The following MAP2 variants were observed in gnomAD, a reference collection of about 807,000 sequenced individuals.
MAP2 encodes the protein microtubule associated protein 2.
In MAP2, 14 loss-of-function variants were observed where a neutral mutation model predicts 137.6. The observed-to-expected ratio is 0.10, with a 90% CI of 0.07 to 0.16. The LOEUF is 0.16. MAP2 is among the 10% of genes least tolerant of loss of function. MAP2 has a pLI of 1.00. For synonymous variants in MAP2, 786 were observed against 782.3 expected, an observed-to-expected ratio of 1.00 and a Z score of -0.08; for missense variants, 2,088 against 2,191.5, an observed-to-expected ratio of 0.95 and a Z score of 0.94.
At chr2:209,586,501 T>A (rs1049439128) in intron 3 of MAP2, among the ~76,000 whole-genome samples, 10 of 152,176 alleles carry the variant, frequency 6.6e-5, no homozygotes, top group Non-Finnish European at 1.5e-4. Flanking sequence ...ATTGAATACC[T>A]AATTCCATTC....
At position 209,542,165 on chromosome 2, in the gene MAP2, A is replaced by T. The variant is rs573947863; in HGVS notation, c.-172+34524A>T. On this transcript the variant is annotated intron_variant, in intron 2 of 15. Coordinates refer to ENST00000682079, the MANE Select transcript of MAP2 (RefSeq NM_001375505.1). ...AAAGCCAACATCAATCTCCTTGTAC[A>T]TCTCCATTAGAGCTTTTGGGTGACC... is the stretch of plus-strand genomic sequence containing the variant. Among the ~76,000 whole-genome samples the T allele has an allele frequency of 2.0e-5, 3 of 152,354 alleles. No individual in the cohort carries two copies. In the South Asian group the frequency reaches 6.2e-4, roughly 32 times the overall value.
intron 7 of MAP2, among the ~76,000 whole-genome samples, chr2:209,687,819 A>G (rs947844847): frequency 6.6e-6 from 1 of 152,084 alleles, no homozygotes; most frequent in Non-Finnish European, 1.5e-5. Flanking sequence ...CCTCCATCTC[A>G]GTGTCTGTGC....
intron 5 of MAP2, among the ~76,000 whole-genome samples, chr2:209,658,536 C>T (rs112915985): frequency 0.021 from 3,234 of 151,594 alleles, 107 homozygotes; most frequent in African/African-American, 0.072. Context: ...GATGAAGTCT[C>T]GCTCTTGTCT....
intron 2 of MAP2, among the ~76,000 whole-genome samples, chr2:209,514,553 A>G (rs2150311637): frequency 6.6e-6 from 1 of 152,274 alleles, no homozygotes; most frequent in South Asian, 2.1e-4. Flanking sequence ...CCAAAGAATA[A>G]CACAGCTGAT....
intron 1 of MAP2, 116 bp from the exon 2 acceptor site, chr2:209,507,476 C>T (rs1052046782): frequency 6.6e-6 from 1 of 152,002 alleles, no homozygotes; most frequent in Non-Finnish European, 1.5e-5. Context: ...TCAGTCAGTG[C>T]ATTTTATGGA....
At chr2:209,638,409 C>G (rs2093736585) in intron 4 of MAP2, among the ~76,000 whole-genome samples, 1 of 152,062 alleles carries the variant, frequency 6.6e-6, no homozygotes, top group African/African-American at 2.4e-5. Context: ...CTTAGAATTC[C>G]TCTGAATCAC....
chr2:209,470,570 G>A (rs1705415986), intron 1 of MAP2, among the ~76,000 whole-genome samples: 1 of 151,784 alleles, frequency 6.6e-6, no homozygotes, highest in South Asian at 2.1e-4. Context: ...ACTGCAGTGG[G>A]TAAGGGTAAA....
intron 5 of MAP2, among the ~76,000 whole-genome samples, chr2:209,676,832 A>T (rs1308742342): frequency 1.4e-5 from 2 of 144,020 alleles, no homozygotes; most frequent in Non-Finnish European, 3.0e-5. Flanking sequence ...TCCATAAATC[A>T]CTGGGGTGCT....
chr2:209,671,453 C>T (rs1356470556), intron 5 of MAP2, among the ~76,000 whole-genome samples: 1 of 151,838 alleles, frequency 6.6e-6, no homozygotes, highest in Non-Finnish European at 1.5e-5. Flanking sequence ...CTTCAAACTA[C>T]ACAGTGCTTT....
intron 5 of MAP2, among the ~76,000 whole-genome samples, chr2:209,666,501 A>G (rs1376649050): frequency 6.6e-6 from 1 of 152,096 alleles, no homozygotes; most frequent in Admixed American, 6.6e-5. Context: ...AGTTGGAATA[A>G]CAGTAGTTCC....
intron 2 of MAP2, among the ~76,000 whole-genome samples, chr2:209,531,719 C>T (rs2150573096): frequency 6.6e-6 from 1 of 152,216 alleles, no homozygotes; most frequent in Non-Finnish European, 1.5e-5. Context: ...CTGATATAAG[C>T]TACTTTTACA....
At chr2:209,477,773 G>A (rs1707668137) in intron 1 of MAP2, among the ~76,000 whole-genome samples, 1 of 151,606 alleles carries the variant, frequency 6.6e-6, no homozygotes, top group South Asian at 2.1e-4. Context: ...AAAATGGGAG[G>A]ATCACTTGAG....
intron 3 of MAP2, among the ~76,000 whole-genome samples, chr2:209,582,657 TGATAGATAGATAGATAGATAGATAGATA>T (rs66881504): frequency 6.7e-6 from 1 of 149,632 alleles, no homozygotes; most frequent in South Asian, 2.1e-4. Context: ...GATAGATAGA[TGATAGATAGATAGATAGATAGATAGATA>T]GATAGATAGA....
In MAP2 at chr2:209,692,656, C is replaced by T. The variant is rs6720659; in HGVS notation, c.486C>T (p.His162=). 0.084 allele frequency: 132,655 copies of T among 1,587,814 alleles called. 7,974 individuals carry two copies. The highest frequency in any genetic ancestry group is 0.26 in the African/African-American group (19,144 of 73,180). The change falls in exon 8 of 16, where the codon CAC becomes CAT. Residue 162 remains histidine (H), a synonymous_variant. Coordinates refer to ENST00000682079, the MANE Select transcript of MAP2 (RefSeq NM_001375505.1). The stretch of plus-strand genomic sequence containing the variant: ...TTACAGCCTCGAAGATGGAGTTCCA[C>T]GATCAACAGGAATTGACTCCCTCTA... ...DLLTASKMEF[H]DQQELTPSTA...
chr2:209,694,053 C>G lies in MAP2; in HGVS notation c.1883C>G (p.Pro628Arg), dbSNP rs1439432353. Residue 628 changes from proline (P) to arginine (R), a missense_variant, in exon 8 of 16, where the codon CCC (proline) becomes CGC (arginine). Coordinates refer to ENST00000682079, the MANE Select transcript of MAP2 (RefSeq NM_001375505.1). ...KEFQTGKESQ[P>R]SPPAQEAGYS... Reference sequence around the variant, plus strand: ...TTTCAAACAGGAAAAGAATCCCAGCCCAGTCCTCCAGCACAAGAAGCAGGG... The same window carrying G: ...TTTCAAACAGGAAAAGAATCCCAGCGCAGTCCTCCAGCACAAGAAGCAGGG... 6.2e-7 allele frequency: 1 copy of G among 1,613,336 alleles called. No individual in the cohort carries two copies.
At chr2:209,666,145 A>G (rs1223188874) in intron 5 of MAP2, among the ~76,000 whole-genome samples, 1 of 152,178 alleles carries the variant, frequency 6.6e-6, no homozygotes, top group Non-Finnish European at 1.5e-5. Context: ...TGACTAAAGC[A>G]TTAAAAAAAT....
intron 1 of MAP2, among the ~76,000 whole-genome samples, chr2:209,461,643 T>G (rs1298231935): frequency 6.6e-6 from 1 of 152,078 alleles, no homozygotes; most frequent in African/African-American, 2.4e-5. Context: ...GGAGACGGGG[T>G]TTCTCCATGT....
intron 4 of MAP2, among the ~76,000 whole-genome samples, chr2:209,652,604 T>A (rs2094883665): frequency 6.6e-6 from 1 of 152,204 alleles, no homozygotes; most frequent in Non-Finnish European, 1.5e-5. Context: ...GCTAATATGT[T>A]AGTTATTGTC....
intron 2 of MAP2, among the ~76,000 whole-genome samples, chr2:209,562,712 C>G (rs1012857757): frequency 6.6e-6 from 1 of 151,664 alleles, no homozygotes; most frequent in African/African-American, 2.4e-5. Context: ...AAACAAAAAG[C>G]GAATGCAAAC....
Sources: gnomAD v4.1 joint callset for allele counts (sites outside exome capture counted in the v4.1 genomes callset) on GRCh38, gnomAD v4.1.1 for gene constraint, MANE v1.5 for transcripts, NCBI Gene and HGNC (gene_info 2026-07-23, HGNC 2026-07-21) for gene names.